The following ARB2A variants were observed in gnomAD, a reference collection of about 807,000 sequenced individuals.
ARB2A encodes cotranscriptional regulator ARB2A.
the ARB2A span, among the ~76,000 whole-genome samples, chr5:93,634,421 A>G: frequency 6.6e-6 from 1 of 151,938 alleles, no homozygotes; most frequent in African/African-American, 2.4e-5. Flanking sequence ...AACAAAAAAC[A>G]AAAAACAAAA....
chr5:94,092,784 A>G, the ARB2A span, among the ~76,000 whole-genome samples: 5 of 152,192 alleles, frequency 3.3e-5, no homozygotes, highest in Non-Finnish European at 5.9e-5. Context: ...ATATATATCT[A>G]ATAGTTTAAG....
chr5:93,867,279 T>C, the ARB2A span, among the ~76,000 whole-genome samples: 1 of 152,222 alleles, frequency 6.6e-6, no homozygotes. Flanking sequence ...ACTGTCAAAT[T>C]ATTTTAAAGT....
chr5:93,798,016 A>G, the ARB2A span, among the ~76,000 whole-genome samples: 63,785 of 151,858 alleles, frequency 0.42, 14,470 homozygotes, highest in East Asian at 0.56. Context: ...AGATTGAAAA[A>G]GAATAAAAGG....
chr5:93,961,650 C>T, the ARB2A span, among the ~76,000 whole-genome samples: 1 of 151,706 alleles, frequency 6.6e-6, no homozygotes, highest in Non-Finnish European at 1.5e-5. Context: ...CACCACAGCA[C>T]TTAGCTTGTG....
chr5:93,699,435 G>A, the ARB2A span, among the ~76,000 whole-genome samples: 4 of 152,124 alleles, frequency 2.6e-5, no homozygotes, highest in Admixed American at 6.6e-5. Context: ...TATTCGTACT[G>A]TGATGTGAAC....
chr5:93,789,667 C>T, the ARB2A span, among the ~76,000 whole-genome samples: 6 of 152,174 alleles, frequency 3.9e-5, no homozygotes, highest in Non-Finnish European at 5.9e-5. Flanking sequence ...TCCAAGCCCA[C>T]CTGGTTACAA....
At chr5:94,098,960 G>A in the ARB2A span, among the ~76,000 whole-genome samples, 8 of 152,056 alleles carry the variant, frequency 5.3e-5, no homozygotes, top group South Asian at 4.2e-4. Context: ...GACCATTAAC[G>A]AGCTCCAAAA....
At chr5:93,868,800 TTAGA>T in the ARB2A span, among the ~76,000 whole-genome samples, 1 of 152,186 alleles carries the variant, frequency 6.6e-6, no homozygotes, top group Non-Finnish European at 1.5e-5. Context: ...AACAATAGTC[TTAGA>T]ATAAACTACT....
the ARB2A span, among the ~76,000 whole-genome samples, chr5:94,051,806 T>C: frequency 6.6e-6 from 1 of 152,162 alleles, no homozygotes; most frequent in Non-Finnish European, 1.5e-5. Flanking sequence ...CAAATATTAA[T>C]CTACATTTAT....
At chr5:93,749,933 C>G in the ARB2A span, among the ~76,000 whole-genome samples, 1 of 152,178 alleles carries the variant, frequency 6.6e-6, no homozygotes, top group Non-Finnish European at 1.5e-5. Flanking sequence ...ATTTCCTCTA[C>G]TCCCAACCCC....
chr5:93,689,895 G>C, the ARB2A span, among the ~76,000 whole-genome samples: 1 of 152,128 alleles, frequency 6.6e-6, no homozygotes, highest in Non-Finnish European at 1.5e-5. Context: ...AGTGGGTGCA[G>C]CCTATGGAGG....
the ARB2A span, chr5:94,053,250 T>A: frequency 2.5e-6 from 3 of 1,186,862 alleles, no homozygotes; most frequent in Admixed American, 4.3e-5. Context: ...TGATATGAAA[T>A]TTACTTATAT....
the ARB2A span, among the ~76,000 whole-genome samples, chr5:93,991,418 A>T: frequency 1.3e-5 from 2 of 152,278 alleles, no homozygotes; most frequent in East Asian, 3.9e-4. Flanking sequence ...AAATTCACAG[A>T]AACAGGAAAA....
At chr5:94,054,014 C>T in the ARB2A span, among the ~76,000 whole-genome samples, 1 of 152,294 alleles carries the variant, frequency 6.6e-6, no homozygotes, top group East Asian at 1.9e-4. Flanking sequence ...AGTGATCTGC[C>T]CACCTCAGCC....
At chr5:93,822,883 C>G in the ARB2A span, among the ~76,000 whole-genome samples, 1 of 152,108 alleles carries the variant, frequency 6.6e-6, no homozygotes, top group South Asian at 2.1e-4. Flanking sequence ...CTTAAGACAG[C>G]AGAAGCACTT....
At chr5:93,961,681 T>G in the ARB2A span, among the ~76,000 whole-genome samples, 1 of 150,746 alleles carries the variant, frequency 6.6e-6, no homozygotes, top group Non-Finnish European at 1.5e-5. Flanking sequence ...AGACTCTGTC[T>G]CAAAAAAGAA....
the ARB2A span, among the ~76,000 whole-genome samples, chr5:93,994,155 C>T: frequency 6.6e-6 from 1 of 152,130 alleles, no homozygotes; most frequent in Non-Finnish European, 1.5e-5. Context: ...CCAGCAATCC[C>T]TTTTCTGGGT....
At chr5:94,051,029 C>G in the ARB2A span, among the ~76,000 whole-genome samples, 1 of 152,148 alleles carries the variant, frequency 6.6e-6, no homozygotes, top group Non-Finnish European at 1.5e-5. Flanking sequence ...CCCAACTACT[C>G]AAAAGTTATT....
chr5:94,035,587 G>A, the ARB2A span, among the ~76,000 whole-genome samples: 1 of 151,966 alleles, frequency 6.6e-6, no homozygotes, highest in Non-Finnish European at 1.5e-5. Context: ...AGCAAAGTAA[G>A]GACCTGGAGC....
Sources: allele counts gnomAD v4.1 joint callset (sites outside exome capture counted in the v4.1 genomes callset), GRCh38; gene constraint gnomAD v4.1.1; transcripts MANE v1.5; gene names NCBI Gene and HGNC (gene_info 2026-07-23, HGNC 2026-07-21).